The following CDKL4 variants were observed in gnomAD, a reference collection of about 807,000 sequenced individuals.
The protein encoded by CDKL4 is cyclin dependent kinase like 4.
A neutral mutation model predicts 42.0 loss-of-function variants in CDKL4; 44 were observed. That is an observed-to-expected ratio of 1.05 (90% CI 0.82 to 1.35). The LOEUF (loss-of-function observed/expected upper bound fraction) is 1.35. Among genes scored for constraint, CDKL4 ranks in the 40% most tolerant of loss-of-function variants. CDKL4 has a pLI of 0.00. For missense variants in CDKL4, 393 were observed against 369.9 expected, an observed-to-expected ratio of 1.06 and a Z score of -0.51; for synonymous variants, 120 against 121.6, an observed-to-expected ratio of 0.99 and a Z score of 0.09.
At chr2:39,194,011 T>G (rs1324228328) in intron 5 of CDKL4, among the ~76,000 whole-genome samples, 1 of 152,242 alleles carries the variant, frequency 6.6e-6, no homozygotes, top group Non-Finnish European at 1.5e-5. Context: ...CAATGAACAT[T>G]ATGTTGTATT....
chr2:39,233,643 A>G (rs72921049), intron 1 of CDKL4, among the ~76,000 whole-genome samples: 6,247 of 152,100 alleles, frequency 0.041, 432 homozygotes, highest in African/African-American at 0.14. Flanking sequence ...AAATGAAACA[A>G]GGGAAAGCCG....
chr2:39,206,165 T>A (rs1677174536), intron 4 of CDKL4, among the ~76,000 whole-genome samples: 1 of 151,976 alleles, frequency 6.6e-6, no homozygotes, highest in African/African-American at 2.4e-5. Context: ...GCGATTCTCC[T>A]GCCTCAGCCT....
intron 3 of CDKL4, among the ~76,000 whole-genome samples, chr2:39,217,950 C>A (rs533485310): frequency 6.6e-6 from 1 of 152,144 alleles, no homozygotes; most frequent in Admixed American, 6.5e-5. Context: ...TCAGGCTGGT[C>A]TTGAACTCCT....
At chr2:39,224,872 C>G (rs560815695) in intron 3 of CDKL4, among the ~76,000 whole-genome samples, 1 of 152,102 alleles carries the variant, frequency 6.6e-6, no homozygotes, top group Non-Finnish European at 1.5e-5. Flanking sequence ...TTATAGGGGT[C>G]GCTGTACTGA....
At chr2:39,198,027 T>G (rs951876999) in intron 5 of CDKL4, among the ~76,000 whole-genome samples, 5 of 152,112 alleles carry the variant, frequency 3.3e-5, no homozygotes, top group Admixed American at 2.6e-4. Flanking sequence ...ATGGTCCACT[T>G]AAAAGATACA....
intron 1 of CDKL4, among the ~76,000 whole-genome samples, chr2:39,235,744 C>G (rs1460930869): frequency 1.3e-5 from 2 of 151,990 alleles, no homozygotes; most frequent in South Asian, 2.1e-4. Context: ...AGAGTGAGAC[C>G]TTGTATTGAA....
chr2:39,201,507 T>A (rs571632523), intron 5 of CDKL4, among the ~76,000 whole-genome samples: 118 of 152,118 alleles, frequency 7.8e-4, no homozygotes, highest in Non-Finnish European at 1.4e-3. Context: ...ATATAAAAAA[T>A]ATATTTGCAC....
At chr2:39,228,549 T>G (rs1252554537) in intron 2 of CDKL4, among the ~76,000 whole-genome samples, 1 of 152,192 alleles carries the variant, frequency 6.6e-6, no homozygotes, top group Non-Finnish European at 1.5e-5. Flanking sequence ...CACAGGGTCT[T>G]GTCACATAAT....
chr2:39,223,107 A>T (rs1219912996), intron 3 of CDKL4, among the ~76,000 whole-genome samples: 2 of 152,174 alleles, frequency 1.3e-5, no homozygotes, highest in Non-Finnish European at 2.9e-5. Flanking sequence ...TCCCCAGGAC[A>T]TTAACTATTG....
At chr2:39,223,904 T>C (rs553984886) in intron 3 of CDKL4, among the ~76,000 whole-genome samples, 1 of 152,224 alleles carries the variant, frequency 6.6e-6, no homozygotes, top group South Asian at 2.1e-4. Flanking sequence ...AGCCTCCTTC[T>C]CTTTTTTAAT....
At chr2:39,192,564 G>A (rs1233678196) in intron 5 of CDKL4, among the ~76,000 whole-genome samples, 1 of 149,398 alleles carries the variant, frequency 6.7e-6, no homozygotes, top group South Asian at 2.1e-4. Flanking sequence ...TATAGATAGA[G>A]GTCTCACTAT....
At chr2:39,190,430 G>A in exon 6 of CDKL4, 1 of 1,614,078 alleles carries the variant, frequency 6.2e-7, no homozygotes, top group Non-Finnish European at 8.5e-7. Flanking sequence ...ACCATACTGA[G>A]TATCTCCCAC....
rs183731406 is a variant in CDKL4, at chr2:39,225,361, C to T, written c.290+478G>A. 4.2e-3 allele frequency among the ~76,000 whole-genome samples: 629 copies of T among 151,210 alleles called. 7 individuals are homozygous for T. Among genetic ancestry groups the T allele is most frequent in the African/African-American group, 0.014 (585 of 41,154 alleles). ...TGGAGGTTGCAGTGAGCTGAGATCGCGCCACTGCACTCCAGTCTGGGCAAC... is the reference window on the plus strand; with the variant it reads ...TGGAGGTTGCAGTGAGCTGAGATCGTGCCACTGCACTCCAGTCTGGGCAAC... On this transcript the variant is annotated intron_variant, in intron 3 of 9. Transcript: ENST00000451199.
chr2:39,203,136 G>A (rs1676956402), intron 5 of CDKL4, among the ~76,000 whole-genome samples: 2 of 152,124 alleles, frequency 1.3e-5, no homozygotes, highest in South Asian at 4.1e-4. Context: ...GAATGACTAT[G>A]TTTGCTACAG....
intron 3 of CDKL4, among the ~76,000 whole-genome samples, chr2:39,218,003 G>A (rs1366805462): frequency 1.3e-5 from 2 of 152,092 alleles, no homozygotes; most frequent in Non-Finnish European, 2.9e-5. Flanking sequence ...AAAGTGTTGG[G>A]ATTACAGGCG....
intron 7 of CDKL4, among the ~76,000 whole-genome samples, chr2:39,186,623 T>C (rs796540131): frequency 5.3e-5 from 8 of 152,290 alleles, no homozygotes; most frequent in African/African-American, 1.9e-4. Context: ...TCCCTGTGAT[T>C]TGGAGTTTAA....
chr2:39,185,334 GTATA>G lies in CDKL4; in HGVS notation c.736-691_736-688del, dbSNP rs746199277. On this transcript the variant is annotated intron_variant, in intron 7 of 9. Transcript: ENST00000451199. ...TATATATACATATATATACACATAT[GTATA>G]TATATACACATATGTATATATACAT... 3.2e-4 allele frequency among the ~76,000 whole-genome samples: 23 copies of G among 70,908 alleles called. 3 individuals carry two copies. The highest frequency in any genetic ancestry group is 2.8e-4 in the Non-Finnish European group (11 of 39,386). The allele number at this position is 70,908 out of a possible 152,430, so 46.5% of individuals were successfully genotyped here.
At chr2:39,204,421 C>T in intron 5 of CDKL4, 106 bp downstream of exon 5, 1 of 729,536 alleles carries the variant, frequency 1.4e-6, no homozygotes, top group Non-Finnish European at 2.4e-6. Context: ...TTTTGAATAA[C>T]AACAATACAA....
intron 1 of CDKL4, among the ~76,000 whole-genome samples, chr2:39,239,845 T>G (rs558238689): frequency 6.6e-6 from 1 of 151,820 alleles, no homozygotes; most frequent in South Asian, 2.1e-4. Flanking sequence ...ATCCCAACAC[T>G]TTGGGAGGCT....
Sources: allele counts gnomAD v4.1 joint callset (sites outside exome capture counted in the v4.1 genomes callset), GRCh38; gene constraint gnomAD v4.1.1; transcripts MANE v1.5; gene names NCBI Gene and HGNC (gene_info 2026-07-23, HGNC 2026-07-21).